AKAP12: variants seen among roughly 807,000 people sequenced by gnomAD.
AKAP12 encodes A-kinase anchor protein 12.
AKAP12 carries 32 observed loss-of-function variants against 79.9 expected under a neutral mutation model. The observed-to-expected ratio is 0.40, with a 90% confidence interval of 0.30 to 0.54. The LOEUF is 0.54. Among genes scored for constraint, AKAP12 ranks in the 20% least tolerant of loss-of-function variants. The pLI, the probability that AKAP12 is intolerant of heterozygous loss-of-function variation, is 0.48. For missense variants in AKAP12, 2,074 were observed against 2,177.0 expected (o/e 0.95, Z 0.94); for synonymous variants, 808 against 857.0 (o/e 0.94, Z 1.00).
In AKAP12 at chr6:151,351,637, A is replaced by G. The variant is rs148199351; in HGVS notation, c.3246A>G (p.Glu1082=). 418 of 1,614,202 alleles carry G rather than the reference A, an allele frequency of 2.6e-4. 3 individuals are homozygous for G. In the African/African-American group the frequency reaches 4.5e-3, roughly 18 times the overall value. ...AEAERPEEQA[E]ASGLKKETDV... ...CAGAAAGACCAGAAGAGCAGGCTGAAGCGTCGGGTCTGAAGAAAGAGACGG... is the reference window on the plus strand; with the variant it reads ...CAGAAAGACCAGAAGAGCAGGCTGAGGCGTCGGGTCTGAAGAAAGAGACGG... The change falls in exon 4 of 5, where the codon GAA becomes GAG. Residue 1082 remains glutamate, a synonymous_variant. Transcript: ENST00000402676. This position sits in a 1 kb window ranked among gnomAD's most constrained non-coding sequence, Gnocchi z 4.4.
At chr6:151,290,708 C>A (rs574834643) in intron 2 of AKAP12, among the ~76,000 whole-genome samples, 49 of 152,038 alleles carry the variant, frequency 3.2e-4, no homozygotes, top group African/African-American at 9.9e-4. Flanking sequence ...CAGGTTCAAG[C>A]GATTCTTCTG....
chr6:151,240,761 G>A, intron 2 of AKAP12, 37 bp downstream of exon 2: 5 of 1,218,662 alleles, frequency 4.1e-6, no homozygotes, highest in Non-Finnish European at 5.1e-6. Context: ...CGGGAGGCGC[G>A]GGTCTTTGGG....
At chr6:151,259,207 G>A (rs1011388648) in intron 2 of AKAP12, among the ~76,000 whole-genome samples, 9 of 151,154 alleles carry the variant, frequency 6.0e-5, no homozygotes, top group African/African-American at 1.7e-4. Flanking sequence ...ACCACGCCCC[G>A]TTAATTTTTT....
At chr6:151,296,954 G>A (rs572564046) in intron 2 of AKAP12, among the ~76,000 whole-genome samples, 1 of 151,042 alleles carries the variant, frequency 6.6e-6, no homozygotes, top group Admixed American at 6.6e-5. Flanking sequence ...CTTATTTTCA[G>A]CCTACTTCTA....
At chr6:151,337,046 A>G (rs1777831793) in intron 3 of AKAP12, among the ~76,000 whole-genome samples, 1 of 152,062 alleles carries the variant, frequency 6.6e-6, no homozygotes, top group Non-Finnish European at 1.5e-5. Flanking sequence ...TTGTTGTTTA[A>G]TACGTAGATA....
At chr6:151,346,507 T>C (rs1778107339) in intron 3 of AKAP12, among the ~76,000 whole-genome samples, 1 of 152,186 alleles carries the variant, frequency 6.6e-6, no homozygotes, top group Admixed American at 6.5e-5. Context: ...TTTGTCTGGT[T>C]GTGTCGTTGT....
In AKAP12 at chr6:151,350,487, A is replaced by T. The variant is rs771846738; in HGVS notation, c.2096A>T (p.Asp699Val). ...KKRARRGSSS[D>V]EEGGPKAMGG... The stretch of plus-strand genomic sequence containing the variant: ...AGAGCAAGGAGAGGGTCCTCTTCTG[A>T]TGAGGAAGGGGGACCAAAAGCAATG... Residue 699 changes from aspartate (D) to valine (V), a missense_variant, in exon 4 of 5, where the codon GAT becomes GTT. By Grantham distance (152) the Asp-to-Val change is radical. Transcript: ENST00000402676. This position sits in a 1 kb window ranked among gnomAD's most constrained non-coding sequence, Gnocchi z 4.8. The T allele has an allele frequency of 3.7e-6, 6 of 1,614,096 alleles. No homozygotes were observed. The South Asian group carries it at 6.6e-5, about 18-fold the overall frequency.
chr6:151,247,380 G>A (rs1403588099), intron 2 of AKAP12, among the ~76,000 whole-genome samples: 3 of 151,864 alleles, frequency 2.0e-5, no homozygotes, highest in Admixed American at 2.0e-4. Context: ...CAGCCTGGGT[G>A]GCAGAGCAAG....
intron 3 of AKAP12, among the ~76,000 whole-genome samples, chr6:151,322,658 C>G (rs1777424396): frequency 6.8e-6 from 1 of 146,392 alleles, no homozygotes; most frequent in Non-Finnish European, 1.5e-5. Context: ...CCAAGGCTAC[C>G]TCAGAGGTGA....
At chr6:151,245,417 T>C (rs955674515) in intron 2 of AKAP12, among the ~76,000 whole-genome samples, 2 of 152,036 alleles carry the variant, frequency 1.3e-5, no homozygotes, top group African/African-American at 4.8e-5. Context: ...TGCCTCAGCT[T>C]TCCGAGTCGC....
chr6:151,353,389 G>A lies in AKAP12; in HGVS notation c.4998G>A (p.Glu1666=), dbSNP rs1428158165. 3.1e-6 allele frequency: 5 copies of A among 1,614,106 alleles called. No homozygotes were observed. In the Admixed American group the frequency reaches 6.7e-5, roughly 22 times the overall value. ...AGGTCGTCCTCCCATCTGAGGAAGA[G>A]GGAGGTGGAGCTGGAACAAAGTCTG... The part of the protein sequence containing the change: ...LEEVVLPSEE[E]GGGAGTKSVP... The change falls in exon 4 of 5, where the codon GAG becomes GAA. Residue 1666 remains glutamate (E), a synonymous_variant. Coordinates refer to ENST00000402676, the MANE Select transcript of AKAP12 (RefSeq NM_005100.4).
At chr6:151,287,288 G>C (rs1203817659) in intron 2 of AKAP12, among the ~76,000 whole-genome samples, 2 of 147,694 alleles carry the variant, frequency 1.4e-5, no homozygotes, top group African/African-American at 2.5e-5. Flanking sequence ...GAGACGGGGT[G>C]TTGCTCTGTT....
intron 2 of AKAP12, among the ~76,000 whole-genome samples, chr6:151,302,161 C>G (rs1375376262): frequency 6.6e-6 from 1 of 151,960 alleles, no homozygotes; most frequent in Non-Finnish European, 1.5e-5. Flanking sequence ...TAGGCGCACA[C>G]CACCACACTT....
rs185806084 is a variant in AKAP12 at position 151,282,036 on chromosome 6, C to T, written c.163-23711C>T. 6.6e-5 allele frequency among the ~76,000 whole-genome samples: 10 copies of T among 151,796 alleles called. No homozygotes were observed. The East Asian group carries it at 1.4e-3, about 21-fold the overall frequency. On this transcript the variant is annotated intron_variant, in intron 2 of 4. Transcript: ENST00000402676. ...CATGCCAGAATGTGTGATGCAGGAG[C>T]GGGCTGTCCTCTTCCCCCTCCTGTT...
In AKAP12 at chr6:151,351,665, G is replaced by T; in HGVS notation, c.3274G>T (p.Val1092Leu). The T allele has an allele frequency of 6.2e-7, 1 of 1,614,212 alleles. No individual in the cohort carries two copies. Among genetic ancestry groups the T allele is most frequent in the Non-Finnish European group, 8.5e-7 (1 of 1,180,050 alleles). Residue 1092 changes from valine to leucine, a missense_variant, in exon 4 of 5, where the codon GTA (valine) becomes TTA (leucine). Coordinates refer to ENST00000402676, the MANE Select transcript of AKAP12 (RefSeq NM_005100.4). This position sits in a 1 kb window ranked among gnomAD's most constrained non-coding sequence, Gnocchi z 4.4. ...EASGLKKETD[V>L]VLKVDAQEAK... ...GTCGGGTCTGAAGAAAGAGACGGAT[G>T]TAGTGTTGAAAGTAGATGCTCAGGA...
chr6:151,349,297 A>G lies in AKAP12; in HGVS notation c.906A>G (p.Gln302=). The G allele has an allele frequency of 6.2e-7, 1 of 1,613,908 alleles. No homozygotes were observed. The highest frequency in any genetic ancestry group is 1.1e-5 in the South Asian group (1 of 91,078). Residue 302 remains glutamine (Q), a synonymous_variant, in exon 4 of 5, where the codon CAA becomes CAG. Transcript: ENST00000402676. ...TGSTFKKFFT[Q]GWAGWRKKTS... ...CAACCTTCAAAAAATTCTTCACTCA[A>G]GGTTGGGCCGGCTGGCGCAAAAAGA...
At chr6:151,346,319 T>C (rs1025447403) in intron 3 of AKAP12, among the ~76,000 whole-genome samples, 4 of 152,208 alleles carry the variant, frequency 2.6e-5, no homozygotes, top group African/African-American at 7.2e-5. Context: ...TAAACACTTA[T>C]ATACACTTGA....
intron 3 of AKAP12, among the ~76,000 whole-genome samples, chr6:151,345,147 C>T (rs1582896775): frequency 6.6e-6 from 1 of 152,152 alleles, no homozygotes; most frequent in African/African-American, 2.4e-5. Context: ...GCGATCTCAG[C>T]TCACTGCAAC....
Position 151,356,480 on chromosome 6 carries a change from T to C in AKAP12, c.*766T>C, listed in dbSNP as rs1476200384. 11 of 152,198 alleles carry C rather than the reference T, an allele frequency of 7.2e-5. No homozygotes were observed. Among genetic ancestry groups the C allele is most frequent in the Admixed American group, 2.0e-4 (3 of 15,278 alleles). The allele number at this position is 152,198 out of a possible 1,614,324, so 9.4% of individuals were successfully genotyped here. ...ATTAACTTTACATCCTTTTTCCTAC[T>C]TGTTATGGTTGTTTGGACCGATAAG... is the stretch of plus-strand genomic sequence containing the variant. On this transcript the variant is annotated 3_prime_UTR_variant, in exon 5 of 5. Transcript: ENST00000402676.
Sources: gnomAD v4.1 joint callset for allele counts (sites outside exome capture counted in the v4.1 genomes callset) on GRCh38, gnomAD v4.1.1 for gene constraint, Gnocchi (gnomAD v3.1) non-coding constraint, MANE v1.5 for transcripts, NCBI Gene and HGNC (gene_info 2026-07-23, HGNC 2026-07-21) for gene names.